Variants in NSA2 observed in about 807,000 individuals in gnomAD.
NSA2 encodes the protein ribosome biogenesis protein NSA2 homolog.
NSA2 carries 18 observed loss-of-function variants against 34.8 expected under a neutral mutation model. That is an observed-to-expected ratio of 0.52 (90% CI 0.36 to 0.77). NSA2 has a LOEUF of 0.77. Ranked by LOEUF, NSA2 falls within the 30% of genes least tolerant of loss-of-function variation. The pLI is 0.00. For missense variants in NSA2, 188 were observed against 314.7 expected (o/e 0.60, Z 3.05); for synonymous variants, 79 against 100.2 (o/e 0.79, Z 1.26).
At chr5:74,769,677 A>C in intron 3 of NSA2, 2 of 188,200 alleles carry the variant, frequency 1.1e-5, no homozygotes, top group Non-Finnish European at 2.2e-5. Flanking sequence ...AAAAATACAA[A>C]TGCTTCTTAT....
chr5:74,774,754 A>G (rs1295353373), intron 5 of NSA2, among the ~76,000 whole-genome samples: 1 of 152,244 alleles, frequency 6.6e-6, no homozygotes, highest in Non-Finnish European at 1.5e-5. Flanking sequence ...AAGTGAGGTC[A>G]GCTTACATGA....
chr5:74,771,457 A>T (rs1744924929), intron 4 of NSA2: 1 of 152,182 alleles, frequency 6.6e-6, no homozygotes, highest in Admixed American at 6.5e-5. Flanking sequence ...AGGTCTCAAA[A>T]CACTTCTTGT....
chr5:74,776,385 T>C (rs1380886869), intron 5 of NSA2, among the ~76,000 whole-genome samples: 1 of 152,070 alleles, frequency 6.6e-6, no homozygotes, highest in Non-Finnish European at 1.5e-5. Flanking sequence ...GTGCCTGTGG[T>C]CCCAGCTACC....
In NSA2 at chr5:74,779,737, G is replaced by A. The variant is rs1745318500; in HGVS notation, c.*3066G>A. On this transcript the variant is annotated 3_prime_UTR_variant, in exon 6 of 6. Coordinates refer to ENST00000610426, the MANE Select transcript of NSA2 (RefSeq NM_014886.6). The stretch of plus-strand genomic sequence containing the variant: ...CCTTTGACTAATTAAAGAAAATATA[G>A]GGTAATACAATTGTTCAAAATCTAA... 6.6e-6 allele frequency: 1 copy of A among 151,934 alleles called. No homozygotes were observed. The highest frequency in any genetic ancestry group is 1.5e-5 in the Non-Finnish European group (1 of 68,004). The allele number at this position is 151,934 out of a possible 1,614,324, so 9.4% of individuals were successfully genotyped here.
chr5:74,773,843 T>G, intron 4 of NSA2, 25 bp from the exon 5 acceptor site: 1 of 1,586,716 alleles, frequency 6.3e-7, no homozygotes, highest in South Asian at 1.1e-5. Flanking sequence ...ACGTAAACAT[T>G]CTTATGTTGT....
intron 4 of NSA2, among the ~76,000 whole-genome samples, 187 bp downstream of exon 4, chr5:74,770,997 G>A (rs1580053126): frequency 1.3e-5 from 2 of 152,270 alleles, no homozygotes; most frequent in East Asian, 3.9e-4. Flanking sequence ...AAAATCTTTA[G>A]CCCAGTGCGG....
At chr5:74,773,829 T>C in intron 4 of NSA2, 39 bp from the exon 5 acceptor site, 1 of 1,540,780 alleles carries the variant, frequency 6.5e-7, no homozygotes. Context: ...TGTTAACATT[T>C]TGGACGTAAA....
chr5:74,773,922 T>C lies in NSA2; in HGVS notation c.577T>C (p.Cys193Arg). 6.2e-7 allele frequency: 1 copy of C among 1,613,968 alleles called. No homozygotes were observed. The highest frequency in any genetic ancestry group is 8.5e-7 in the Non-Finnish European group (1 of 1,179,854). The change falls in exon 5 of 6, where the codon TGC (cysteine) becomes CGC (arginine). Residue 193 changes from cysteine (C) to arginine (R), a missense_variant. By Grantham distance (180) the Cys-to-Arg change is radical. Transcript: ENST00000610426. ...ACATCCTGAACTGAAAGCCACCTTT[T>C]GCCTACCAATACTTGGTGTAAAGAA... is the stretch of plus-strand genomic sequence containing the variant. ...VTHPELKATF[C>R]LPILGVKKNP...
chr5:74,767,349 G>A lies in NSA2; in HGVS notation c.-12G>A. On this transcript the variant is annotated 5_prime_UTR_variant, in exon 1 of 6. Coordinates refer to ENST00000610426, the MANE Select transcript of NSA2 (RefSeq NM_014886.6). ...TCCAGCGGCTGCTCCTGGCGGCTCTGCGGCCGTCACCATGGTAAGGAGGAT... is the reference window on the plus strand; with the variant it reads ...TCCAGCGGCTGCTCCTGGCGGCTCTACGGCCGTCACCATGGTAAGGAGGAT... 1 of 1,613,352 alleles carries A rather than the reference G, an allele frequency of 6.2e-7. No individual in the cohort carries two copies. The highest frequency in any genetic ancestry group is 8.5e-7 in the Non-Finnish European group (1 of 1,179,706).
rs779300161 is a variant in NSA2 at position 74,769,283 on chromosome 5, T to G, written c.261T>G (p.Pro87=). 1 of 1,613,340 alleles carries G rather than the reference T, an allele frequency of 6.2e-7. No homozygotes were observed. Among genetic ancestry groups the G allele is most frequent in the South Asian group, 1.1e-5 (1 of 90,962 alleles). The change falls in exon 3 of 6, where the codon CCT becomes CCG. Residue 87 remains proline (P), a synonymous_variant. Transcript: ENST00000610426. ...AAAAGACACCACAGGGAGCAGTACC[T>G]GCCTATCTGCTGGACAGAGAGGGAC... ...NDEKTPQGAV[P]AYLLDREGQS...
chr5:74,773,470 CAAAAA>C (rs768356175), intron 4 of NSA2, among the ~76,000 whole-genome samples: 2 of 98,994 alleles, frequency 2.0e-5, no homozygotes, highest in Admixed American at 1.1e-4. Flanking sequence ...CCATCTCTAC[CAAAAA>C]AAAAAAAAAA....
At position 74,778,778 on chromosome 5, in the gene NSA2, AGTG is replaced by A. The variant is rs1423424938; in HGVS notation, c.*2108_*2110del. On this transcript the variant is annotated 3_prime_UTR_variant, in exon 6 of 6. Coordinates refer to ENST00000610426, the MANE Select transcript of NSA2 (RefSeq NM_014886.6). ...GAAATATACACGTATGTACATAAAA[AGTG>A]AACTCCCTTCACAAATAAGTTCACA... 2.0e-5 allele frequency: 3 copies of A among 152,116 alleles called. No homozygotes were observed. The highest frequency in any genetic ancestry group is 6.5e-5 in the Admixed American group (1 of 15,274). 9.4% of individuals were successfully genotyped at this position (152,116 alleles called of 1,614,324 possible).
intron 5 of NSA2, among the ~76,000 whole-genome samples, chr5:74,775,194 T>C (rs1745070372): frequency 2.0e-5 from 3 of 151,650 alleles, no homozygotes; most frequent in Admixed American, 2.0e-4. Context: ...CCAGCCTGGA[T>C]GACAGAGCGA....
In NSA2 at chr5:74,772,755, G is replaced by A. The variant is rs540163840; in HGVS notation, c.523-1113G>A. ...ATTCTAGGTTTTCTGTAGTTTCACAGATTTGTCATTATAATCAGATGGCAT... is the reference window on the plus strand; with the variant it reads ...ATTCTAGGTTTTCTGTAGTTTCACAAATTTGTCATTATAATCAGATGGCAT... On this transcript the variant is annotated intron_variant, in intron 4 of 5. Transcript: ENST00000610426. Among the ~76,000 whole-genome samples, 3 of 152,316 alleles carry A rather than the reference G, an allele frequency of 2.0e-5. No homozygotes were observed. The South Asian group carries it at 6.2e-4, about 32-fold the overall frequency.
intron 4 of NSA2, 96 bp downstream of exon 4, chr5:74,770,906 G>A (rs1744900719): frequency 2.1e-6 from 2 of 958,630 alleles, no homozygotes; most frequent in East Asian, 2.8e-5. Flanking sequence ...TTAAATTGAT[G>A]TGGAACAGGT....
At chr5:74,773,579 G>GC (rs1208362889) in intron 4 of NSA2, among the ~76,000 whole-genome samples, 1 of 152,092 alleles carries the variant, frequency 6.6e-6, no homozygotes, top group African/African-American at 2.4e-5. Flanking sequence ...AGTCCAAGCT[G>GC]CAGTGAGCCA....
intron 1 of NSA2, among the ~76,000 whole-genome samples, chr5:74,768,200 C>G (rs1744773864): frequency 6.6e-6 from 1 of 152,176 alleles, no homozygotes; most frequent in South Asian, 2.1e-4. Flanking sequence ...CGTAATCACC[C>G]AAAACTGGGA....
At chr5:74,772,171 C>T (rs1270057854) in intron 4 of NSA2, among the ~76,000 whole-genome samples, 1 of 147,956 alleles carries the variant, frequency 6.8e-6, no homozygotes, top group African/African-American at 2.5e-5. Flanking sequence ...GTATCCCAGG[C>T]GGGAGTGCAG....
At chr5:74,774,237 T>C (rs1383574519) in intron 5 of NSA2, among the ~76,000 whole-genome samples, 177 bp downstream of exon 5, 1 of 152,338 alleles carries the variant, frequency 6.6e-6, no homozygotes, top group South Asian at 2.1e-4. Context: ...TTGTTATAAA[T>C]ACAATTGTTT....
Sources: allele counts gnomAD v4.1 joint callset (sites outside exome capture counted in the v4.1 genomes callset), GRCh38; gene constraint gnomAD v4.1.1; transcripts MANE v1.5; gene names NCBI Gene and HGNC (gene_info 2026-07-23, HGNC 2026-07-21).